The following TMEM178B variants were observed in gnomAD, a reference collection of about 807,000 sequenced individuals.
TMEM178B encodes transmembrane protein 178B.
In TMEM178B, 5 loss-of-function variants were observed where a neutral mutation model predicts 31.0. That is an observed-to-expected ratio of 0.16 (90% confidence interval 0.08 to 0.34). The LOEUF is 0.34. TMEM178B is among the 10% of genes least tolerant of loss of function. The probability of loss-of-function intolerance (pLI) is 1.00; values close to 1 mark genes in which losing one functional copy is unlikely to be tolerated. For missense variants in TMEM178B, 275 were observed against 400.3 expected (o/e 0.69, Z 2.67); for synonymous variants, 164 against 164.0 (o/e 1.00, Z 0.00).
At chr7:141,352,924 A>G (rs2116533184) in intron 2 of TMEM178B, among the ~76,000 whole-genome samples, 1 of 152,338 alleles carries the variant, frequency 6.6e-6, no homozygotes, top group Non-Finnish European at 1.5e-5. Flanking sequence ...GCTCAGTAAG[A>G]AAAAAGAGAA....
chr7:141,334,130 A>G lies in TMEM178B; in HGVS notation c.497-103478A>G, dbSNP rs796363837. On this transcript the variant is annotated intron_variant, in intron 2 of 3. Transcript: ENST00000565468. The stretch of plus-strand genomic sequence containing the variant: ...TGGTATTTGTTCGTCTTCACTCCAC[A>G]CAACCCTGGGATAGAAACCAGTATT... Among the ~76,000 whole-genome samples, 6 of 152,336 alleles carry G rather than the reference A, an allele frequency of 3.9e-5. No individual in the cohort carries two copies. The East Asian group carries it at 9.6e-4, about 24-fold the overall frequency.
chr7:141,245,220 A>G lies in TMEM178B; in HGVS notation c.496+32516A>G, dbSNP rs1186142777. Among the ~76,000 whole-genome samples the G allele has an allele frequency of 3.9e-5, 5 of 128,990 alleles. No individual in the cohort carries two copies. The Admixed American group carries it at 4.2e-4, about 11-fold the overall frequency. The allele number at this position is 128,990 out of a possible 152,430, so 84.6% of individuals were successfully genotyped here. ...AAAAAAAAAAAAAAAAGAAGGATGC[A>G]CAGGGGAGGTAGGAGGAGAGCCAAG... On this transcript the variant is annotated intron_variant, in intron 2 of 3. Coordinates refer to ENST00000565468, the MANE Select transcript of TMEM178B (RefSeq NM_001195278.2).
At chr7:141,178,032 A>G (rs1322704611) in intron 1 of TMEM178B, among the ~76,000 whole-genome samples, 1 of 152,206 alleles carries the variant, frequency 6.6e-6, no homozygotes, top group African/African-American at 2.4e-5. Flanking sequence ...GTTTCTTCAT[A>G]GCATCGATGG....
chr7:141,334,286 A>G (rs1799347075), intron 2 of TMEM178B, among the ~76,000 whole-genome samples: 1 of 152,174 alleles, frequency 6.6e-6, no homozygotes, highest in African/African-American at 2.4e-5. Flanking sequence ...GTCCTTGGGT[A>G]AGTTACATAA....
chr7:141,389,934 G>T (rs985412530), intron 2 of TMEM178B, among the ~76,000 whole-genome samples: 7 of 152,138 alleles, frequency 4.6e-5, no homozygotes, highest in Non-Finnish European at 7.4e-5. Flanking sequence ...TAAGAATGTG[G>T]CTGCTTTGGA....
At chr7:141,370,937 C>G (rs1051606327) in intron 2 of TMEM178B, among the ~76,000 whole-genome samples, 1 of 152,184 alleles carries the variant, frequency 6.6e-6, no homozygotes, top group East Asian at 1.9e-4. Context: ...AGAGGATGCA[C>G]GGTTACCAGG....
intron 2 of TMEM178B, among the ~76,000 whole-genome samples, chr7:141,249,068 G>A (rs897449537): frequency 3.3e-5 from 5 of 152,186 alleles, no homozygotes; most frequent in Non-Finnish European, 5.9e-5. Flanking sequence ...TATAGAAGAA[G>A]GGCCTACCTG....
chr7:141,115,335 C>G (rs1795302235), intron 1 of TMEM178B, among the ~76,000 whole-genome samples: 1 of 152,080 alleles, frequency 6.6e-6, no homozygotes, highest in Non-Finnish European at 1.5e-5. Context: ...GCCACCATGC[C>G]TGGCTGGATC....
At chr7:141,278,741 G>A (rs768811889) in intron 2 of TMEM178B, among the ~76,000 whole-genome samples, 8 of 152,124 alleles carry the variant, frequency 5.3e-5, no homozygotes, top group Admixed American at 2.0e-4. Flanking sequence ...TGCAACCAGC[G>A]CTGTGGAACG....
chr7:141,290,538 CACACACACATACACG>C (rs1798527938), intron 2 of TMEM178B, among the ~76,000 whole-genome samples: 1 of 84,406 alleles, frequency 1.2e-5, no homozygotes, highest in Non-Finnish European at 4.0e-5. Flanking sequence ...TACACATGTG[CACACACACATACACG>C]TGCATGCACA....
intron 2 of TMEM178B, among the ~76,000 whole-genome samples, chr7:141,425,912 C>T (rs956042531): frequency 2.0e-5 from 3 of 152,130 alleles, no homozygotes; most frequent in Non-Finnish European, 2.9e-5. Flanking sequence ...AACTACCTTC[C>T]CCCCCTATCT....
intron 2 of TMEM178B, among the ~76,000 whole-genome samples, chr7:141,380,540 G>T (rs1447549571): frequency 2.6e-5 from 4 of 152,100 alleles, no homozygotes; most frequent in Admixed American, 6.5e-5. Context: ...TTTACTACCA[G>T]GATTATTTTG....
At chr7:141,303,867 G>A (rs1272222498) in intron 2 of TMEM178B, among the ~76,000 whole-genome samples, 1 of 152,206 alleles carries the variant, frequency 6.6e-6, no homozygotes, top group Non-Finnish European at 1.5e-5. Context: ...ACTATGCAAA[G>A]TGCATGCAAC....
intron 2 of TMEM178B, among the ~76,000 whole-genome samples, chr7:141,425,727 C>A (rs941264289): frequency 3.3e-5 from 5 of 152,126 alleles, no homozygotes; most frequent in Non-Finnish European, 5.9e-5. Flanking sequence ...TTTCTTCAGG[C>A]GAGTACAAAT....
chr7:141,483,176 C>T (rs187520421), downstream of TMEM178B, among the ~76,000 whole-genome samples: 8 of 152,286 alleles, frequency 5.3e-5, no homozygotes, highest in Non-Finnish European at 1.2e-4. Flanking sequence ...GAGCCAAAGG[C>T]CAGAGCTCCC....
chr7:141,390,161 A>G (rs1330883300), intron 2 of TMEM178B, among the ~76,000 whole-genome samples: 1 of 152,258 alleles, frequency 6.6e-6, no homozygotes, highest in Admixed American at 6.5e-5. Flanking sequence ...CTGAAAGGAC[A>G]GAATGAGAGA....
chr7:141,170,616 TC>T (rs993633998), intron 1 of TMEM178B, among the ~76,000 whole-genome samples: 1 of 151,760 alleles, frequency 6.6e-6, no homozygotes. Flanking sequence ...CCTCTCAAAT[TC>T]CCCCCCATAT....
intron 1 of TMEM178B, among the ~76,000 whole-genome samples, chr7:141,144,709 A>G (rs1795824184): frequency 6.6e-6 from 1 of 152,102 alleles, no homozygotes; most frequent in Admixed American, 6.6e-5. Flanking sequence ...GGGCAGAGGT[A>G]GGGTAAGCTG....
At chr7:141,469,676 T>C (rs1802204223) in intron 3 of TMEM178B, among the ~76,000 whole-genome samples, 3 of 151,214 alleles carry the variant, frequency 2.0e-5, no homozygotes, top group Admixed American at 1.3e-4. Context: ...GAAAAGTTAT[T>C]GAATTCATTT....
Sources: gnomAD v4.1 joint callset for allele counts (sites outside exome capture counted in the v4.1 genomes callset) on GRCh38, gnomAD v4.1.1 for gene constraint, MANE v1.5 for transcripts, NCBI Gene and HGNC (gene_info 2026-07-23, HGNC 2026-07-21) for gene names.